The following MLKL variants were observed in gnomAD, a reference collection of about 807,000 sequenced individuals.
MLKL encodes mixed lineage kinase domain like pseudokinase.
In MLKL, 55 loss-of-function variants were observed where a neutral mutation model predicts 56.5. That is an observed-to-expected ratio of 0.97 (90% CI 0.78 to 1.22). MLKL has a LOEUF of 1.22. Ranked by LOEUF, MLKL falls within the 50% of genes most tolerant of loss-of-function variation. MLKL has a pLI of 0.00. For synonymous variants in MLKL, 251 were observed against 208.3 expected, an observed-to-expected ratio of 1.20 and a Z score of -1.76; for missense variants, 694 against 573.9, an observed-to-expected ratio of 1.21 and a Z score of -2.14.
chr16:74,686,838 C>A (rs1292976535), intron 4 of MLKL, among the ~76,000 whole-genome samples: 1 of 152,090 alleles, frequency 6.6e-6, no homozygotes, highest in East Asian at 1.9e-4. Flanking sequence ...TAGCAATTAA[C>A]AATCAAAAGA....
chr16:74,694,070 G>C (rs1265150367), intron 2 of MLKL, among the ~76,000 whole-genome samples: 1 of 152,098 alleles, frequency 6.6e-6, no homozygotes, highest in Admixed American at 6.6e-5. Context: ...TAATTCAATG[G>C]ATATTTACAT....
At chr16:74,686,084 T>C (rs1212627487) in intron 4 of MLKL, among the ~76,000 whole-genome samples, 1 of 151,914 alleles carries the variant, frequency 6.6e-6, no homozygotes, top group Non-Finnish European at 1.5e-5. Flanking sequence ...CTCAGCCACC[T>C]GAGTAGCTGG....
chr16:74,691,464 C>G lies in MLKL; in HGVS notation c.536-1G>C. On this transcript the variant is annotated splice_acceptor_variant, in intron 3 of 10. Transcript: ENST00000308807. LOFTEE classifies it high-confidence loss of function. ...TCCTGCATGCATTTTGGTGGTAAAT[C>G]TGACCTCACCCCCGAGAGGAAAGAA... 6.2e-7 allele frequency: 1 copy of G among 1,610,842 alleles called. No individual in the cohort carries two copies.
chr16:74,692,342 A>G lies in MLKL; in HGVS notation c.535T>C (p.Tyr179His), dbSNP rs754985251. The G allele has an allele frequency of 2.5e-6, 4 of 1,613,054 alleles. No individual in the cohort carries two copies. The South Asian group carries it at 4.4e-5, about 18-fold the overall frequency. ...MKEIKETLRQ[Y>H]LPPKCMQEIP... is the part of the protein sequence containing the mutation. ...AACAGCAGGGCACATGATAACTTAC[A>G]CTGCCTCAAAGTTTCCTTGATTTCT... The change falls in exon 3 of 11, where the codon TAT (tyrosine) becomes CAT (histidine). Residue 179 changes from tyrosine (Y) to histidine (H), a missense_variant and splice_region_variant. Physicochemically the swap from Tyr to His is moderately conservative, Grantham distance 83 (BLOSUM62 2). Transcript: ENST00000308807.
intron 2 of MLKL, among the ~76,000 whole-genome samples, chr16:74,693,894 C>A (rs1025171833): frequency 6.6e-6 from 1 of 152,050 alleles, no homozygotes; most frequent in Admixed American, 6.6e-5. Context: ...TGAGCCACCC[C>A]GCCTGGCCGA....
chr16:74,693,221 G>A (rs1960782397), intron 2 of MLKL, among the ~76,000 whole-genome samples: 1 of 152,020 alleles, frequency 6.6e-6, no homozygotes, highest in Non-Finnish European at 1.5e-5. Flanking sequence ...TTGGGAGGCC[G>A]AGTCAGGCAG....
intron 7 of MLKL, 66 bp downstream of exon 7, chr16:74,678,833 T>C: frequency 8.9e-7 from 1 of 1,124,020 alleles, no homozygotes; most frequent in Non-Finnish European, 1.4e-6. Context: ...TCTGAGACAC[T>C]CGTGCCCCTC....
chr16:74,691,564 T>A, intron 3 of MLKL, 101 bp from the exon 4 acceptor site: 1 of 1,299,904 alleles, frequency 7.7e-7, no homozygotes, highest in Non-Finnish European at 1.1e-6. Flanking sequence ...TGGGAAGCTC[T>A]ACTACATGAA....
intron 10 of MLKL, among the ~76,000 whole-genome samples, chr16:74,673,406 T>C (rs1374971931): frequency 6.6e-6 from 1 of 151,954 alleles, no homozygotes; most frequent in East Asian, 1.9e-4. Flanking sequence ...TTAGTAGAGA[T>C]AGGGTTTCAC....
intron 7 of MLKL, 86 bp from the exon 8 acceptor site, chr16:74,675,850 C>T: frequency 1.4e-6 from 2 of 1,386,356 alleles, no homozygotes; most frequent in Non-Finnish European, 2.0e-6. Flanking sequence ...ACACAATTGC[C>T]AGGGAATTGT....
At chr16:74,697,771 A>G (rs1961135427) in intron 1 of MLKL, among the ~76,000 whole-genome samples, 2 of 151,986 alleles carry the variant, frequency 1.3e-5, no homozygotes. Context: ...GTGAGCTATG[A>G]TGACACCACT....
chr16:74,689,436 T>C (rs1406074964), intron 4 of MLKL, among the ~76,000 whole-genome samples: 1 of 152,154 alleles, frequency 6.6e-6, no homozygotes, highest in Admixed American at 6.5e-5. Context: ...TTTAAAGCCA[T>C]TAAATTGTAC....
intron 5 of MLKL, among the ~76,000 whole-genome samples, chr16:74,685,213 A>T (rs1439165696): frequency 6.6e-6 from 1 of 152,158 alleles, no homozygotes; most frequent in Non-Finnish European, 1.5e-5. Flanking sequence ...CCAGGCTGGC[A>T]TCTAAACATG....
intron 2 of MLKL, 129 bp downstream of exon 2, chr16:74,695,169 G>A: frequency 4.0e-6 from 4 of 1,012,222 alleles, no homozygotes; most frequent in Non-Finnish European, 5.7e-6. Context: ...ATCGCGCCCA[G>A]CTAGGAGTTT....
chr16:74,674,932 A>G (rs766702079), intron 10 of MLKL, 28 bp downstream of exon 10: 3 of 1,605,438 alleles, frequency 1.9e-6, no homozygotes, highest in East Asian at 4.5e-5. Flanking sequence ...GATGGGGCTC[A>G]CGCTCTTTAC....
chr16:74,692,250 A>G, intron 3 of MLKL, 92 bp downstream of exon 3: 1 of 1,165,236 alleles, frequency 8.6e-7, no homozygotes, highest in Non-Finnish European at 1.3e-6. Context: ...GAAAATGGAC[A>G]AATGCAGGGG....
At chr16:74,679,759 G>A (rs745866516) in intron 6 of MLKL, among the ~76,000 whole-genome samples, 1 of 152,060 alleles carries the variant, frequency 6.6e-6, no homozygotes, top group Non-Finnish European at 1.5e-5. Flanking sequence ...AGTTTGCAGT[G>A]AGCCGAGATC....
chr16:74,675,789 G>C (rs1262648620), intron 7 of MLKL, 25 bp from the exon 8 acceptor site: 1 of 1,611,884 alleles, frequency 6.2e-7, no homozygotes, highest in South Asian at 1.1e-5. Context: ...AACTTAGAAA[G>C]AAACAAGCAA....
At chr16:74,693,465 A>G (rs1191462844) in intron 2 of MLKL, among the ~76,000 whole-genome samples, 3 of 96,456 alleles carry the variant, frequency 3.1e-5, no homozygotes, top group Non-Finnish European at 4.2e-5. Flanking sequence ...AAAAAAAAAA[A>G]AAAGAAAAGA....
Sources: gnomAD v4.1 joint callset for allele counts (sites outside exome capture counted in the v4.1 genomes callset) on GRCh38, gnomAD v4.1.1 for gene constraint, MANE v1.5 for transcripts, NCBI Gene and HGNC (gene_info 2026-07-23, HGNC 2026-07-21) for gene names.